The following CSMD2 variants were observed in gnomAD, a reference collection of about 807,000 sequenced individuals.
CSMD2 encodes the protein CUB and sushi domain-containing protein 2.
Under a neutral mutation model 398.5 loss-of-function variants are expected in CSMD2, and 130 were observed. That is an observed-to-expected ratio of 0.33 (90% CI 0.28 to 0.38). The LOEUF is 0.38. Among genes scored for constraint, CSMD2 ranks in the 10% least tolerant of loss-of-function variants. The pLI, the probability that CSMD2 is intolerant of heterozygous loss-of-function variation, is 1.00. For missense variants in CSMD2, 3,829 were observed against 4,764.9 expected (o/e 0.80, Z 5.78); for synonymous variants, 1,828 against 1,908.5 (o/e 0.96, Z 1.10).
In CSMD2 at chr1:34,164,391, G is replaced by A. The variant is rs546478327; in HGVS notation, c.187+520C>T. On this transcript the variant is annotated intron_variant, in intron 1 of 70. Coordinates refer to ENST00000373381, the MANE Select transcript of CSMD2 (RefSeq NM_001281956.2). This position sits in a 1 kb window ranked among gnomAD's most constrained non-coding sequence, Gnocchi z 6.2. ...GCCGCAGTCTGCAGTCGGTTCCAGA[G>A]GGGGCACCGGTTTCAATTGGAGAAA... Among the ~76,000 whole-genome samples the A allele has an allele frequency of 6.6e-6, 1 of 152,166 alleles. No homozygotes were observed. The highest frequency in any genetic ancestry group is 2.1e-4 in the South Asian group (1 of 4,814).
At chr1:33,917,675 A>G (rs1003512908) in intron 5 of CSMD2, among the ~76,000 whole-genome samples, 1 of 152,170 alleles carries the variant, frequency 6.6e-6, no homozygotes, top group Non-Finnish European at 1.5e-5. Context: ...AAGAATTAAG[A>G]CTAAAAATGT....
chr1:34,046,703 C>T (rs571218929), intron 2 of CSMD2, among the ~76,000 whole-genome samples: 28 of 152,282 alleles, frequency 1.8e-4, no homozygotes, highest in Non-Finnish European at 3.5e-4. Flanking sequence ...TTATTCCCAC[C>T]GGTAACAATT....
chr1:33,677,589 T>C (rs1388108428), intron 25 of CSMD2, among the ~76,000 whole-genome samples: 8 of 152,160 alleles, frequency 5.3e-5, no homozygotes, highest in African/African-American at 1.4e-4. Context: ...ACCATTTGAT[T>C]CAGCCATTCC....
intron 5 of CSMD2, among the ~76,000 whole-genome samples, chr1:33,853,273 G>C (rs1638844201): frequency 6.6e-6 from 1 of 152,096 alleles, no homozygotes; most frequent in African/African-American, 2.4e-5. Flanking sequence ...AATATTTCTT[G>C]AGCACCTACT....
At chr1:33,858,571 A>G (rs149381721) in intron 5 of CSMD2, among the ~76,000 whole-genome samples, 1 of 152,216 alleles carries the variant, frequency 6.6e-6, no homozygotes, top group African/African-American at 2.4e-5. Context: ...AAGTATGATC[A>G]TCATTTTTAT....
chr1:33,996,336 G>T (rs1040614597), intron 3 of CSMD2, among the ~76,000 whole-genome samples: 1 of 152,188 alleles, frequency 6.6e-6, no homozygotes, highest in Non-Finnish European at 1.5e-5. Context: ...AGCCATACTC[G>T]GTCAAGCTTT....
intron 5 of CSMD2, among the ~76,000 whole-genome samples, chr1:33,916,121 A>G (rs1308439491): frequency 6.6e-6 from 1 of 152,200 alleles, no homozygotes; most frequent in Non-Finnish European, 1.5e-5. Flanking sequence ...CAGACCTTGT[A>G]TATTTTGGAG....
chr1:33,631,822 T>C (rs1423842604), intron 32 of CSMD2, among the ~76,000 whole-genome samples: 1 of 152,148 alleles, frequency 6.6e-6, no homozygotes, highest in Non-Finnish European at 1.5e-5. Context: ...TGCAATGTTT[T>C]AAACTTAACA....
intron 7 of CSMD2, 61 bp from the exon 8 acceptor site, chr1:33,820,617 G>A (rs1417034515): frequency 2.6e-6 from 3 of 1,160,000 alleles, no homozygotes; most frequent in East Asian, 2.3e-5. Context: ...ACAGTCACAG[G>A]GAGGCACCAG....
Position 33,646,852 on chromosome 1 carries a change from T to C in CSMD2, c.4587-17A>G. The C allele has an allele frequency of 6.3e-7, 1 of 1,597,244 alleles. No individual in the cohort carries two copies. Among genetic ancestry groups the C allele is most frequent in the Non-Finnish European group, 8.5e-7 (1 of 1,170,834 alleles). ...AGGTTAAAGCTGGGGAACAAAAACA[T>C]CCCACCCCCACCCCACTAAGGTCAA... is the stretch of plus-strand genomic sequence containing the variant. On this transcript the variant is annotated splice_polypyrimidine_tract_variant and intron_variant, in intron 28 of 70. Transcript: ENST00000373381.
At chr1:33,813,805 T>C (rs1399162109) in intron 9 of CSMD2, among the ~76,000 whole-genome samples, 1 of 152,126 alleles carries the variant, frequency 6.6e-6, no homozygotes, top group Non-Finnish European at 1.5e-5. Context: ...GCTTCTCCTA[T>C]TGGCCTCCCT....
At position 33,849,243 on chromosome 1, in the gene CSMD2, A is replaced by AT. The variant is rs531455028; in HGVS notation, c.921-2248dup. ...GAGTTTTCTTGGCATCTATCAAAGA[A>AT]TTGGGGGCTTACATGGCAGAATCAT... On this transcript the variant is annotated intron_variant, in intron 5 of 70. Transcript: ENST00000373381. 8.5e-4 allele frequency among the ~76,000 whole-genome samples: 129 copies of AT among 152,316 alleles called. 2 individuals are homozygous for AT. The highest frequency in any genetic ancestry group is 6.4e-3 in the South Asian group (31 of 4,818).
At chr1:33,848,017 TCA>T (rs1638405993) in intron 5 of CSMD2, among the ~76,000 whole-genome samples, 1 of 152,170 alleles carries the variant, frequency 6.6e-6, no homozygotes. Flanking sequence ...AAAACAGGTG[TCA>T]CAGTCATGTA....
At chr1:33,686,455 C>A (rs530276846) in intron 25 of CSMD2, among the ~76,000 whole-genome samples, 52 of 152,318 alleles carry the variant, frequency 3.4e-4, no homozygotes, top group Middle Eastern at 3.4e-3. Context: ...TAGGAAGAAG[C>A]ACTTGCCAGA....
intron 3 of CSMD2, among the ~76,000 whole-genome samples, chr1:33,982,422 A>G (rs1323827041): frequency 6.6e-6 from 1 of 152,208 alleles, no homozygotes; most frequent in African/African-American, 2.4e-5. Context: ...TTTGTCCTTG[A>G]GAAAGCCATT....
intron 5 of CSMD2, among the ~76,000 whole-genome samples, chr1:33,865,459 G>T (rs919525637): frequency 6.6e-6 from 1 of 151,052 alleles, no homozygotes; most frequent in African/African-American, 2.4e-5. Context: ...TCAGTGGATA[G>T]ATGTATAATA....
chr1:33,819,819 C>T lies in CSMD2; in HGVS notation c.1218G>A (p.Gln406=), dbSNP rs750727580. 2.5e-6 allele frequency: 4 copies of T among 1,614,022 alleles called. No homozygotes were observed. The East Asian group carries it at 8.9e-5, about 36-fold the overall frequency. ...GSDFRLGSSV[Q]FTCNEGYDLQ... ...GGTCATAGCCCTCGTTGCAGGTGAA[C>T]TGGACGCTGGATCCTAACCTGGGAG... Residue 406 remains glutamine, a synonymous_variant, in exon 9 of 71, where the codon CAG becomes CAA. Transcript: ENST00000373381.
chr1:33,547,517 T>C (rs955919148), intron 56 of CSMD2, among the ~76,000 whole-genome samples: 9 of 152,246 alleles, frequency 5.9e-5, no homozygotes, highest in Non-Finnish European at 1.3e-4. Flanking sequence ...GTTTAAGTCA[T>C]GTGTACCCCA....
At chr1:33,616,078 C>T (rs1360129218) in intron 39 of CSMD2, among the ~76,000 whole-genome samples, 1 of 152,214 alleles carries the variant, frequency 6.6e-6, no homozygotes, top group Non-Finnish European at 1.5e-5. Flanking sequence ...AATAAATGTG[C>T]CTTTCTTCTT....
Sources: gnomAD v4.1 joint callset for allele counts (sites outside exome capture counted in the v4.1 genomes callset) on GRCh38, gnomAD v4.1.1 for gene constraint, Gnocchi (gnomAD v3.1) non-coding constraint, MANE v1.5 for transcripts, NCBI Gene and HGNC (gene_info 2026-07-23, HGNC 2026-07-21) for gene names.